The following DPP6 variants were observed in gnomAD, a reference collection of about 807,000 sequenced individuals.
DPP6 encodes A-type potassium channel modulatory protein DPP6.
A neutral mutation model predicts 122.6 loss-of-function variants in DPP6; 69 were observed. The ratio of observed to expected loss-of-function variants is 0.56; its 90% CI spans 0.46 to 0.69. The LOEUF is 0.69. Among genes scored for constraint, DPP6 ranks in the 30% least tolerant of loss-of-function variants. The pLI is 0.00. For synonymous variants in DPP6, 418 were observed against 433.1 expected (o/e 0.97, Z 0.43); for missense variants, 928 against 1,116.9 (o/e 0.83, Z 2.41).
chr7:154,667,612 A>G (rs901294656), intron 6 of DPP6, among the ~76,000 whole-genome samples: 1 of 152,108 alleles, frequency 6.6e-6, no homozygotes, highest in African/African-American at 2.4e-5. Flanking sequence ...AATCCCAGCT[A>G]CTTGGGAGGC....
intron 1 of DPP6, among the ~76,000 whole-genome samples, chr7:154,016,164 C>A (rs1798402035): frequency 6.6e-6 from 1 of 152,144 alleles, no homozygotes; most frequent in African/African-American, 2.4e-5. Context: ...GACCACTCTA[C>A]CTAAAATCTC....
chr7:154,617,024 C>T (rs532558892), intron 5 of DPP6, among the ~76,000 whole-genome samples: 4 of 152,344 alleles, frequency 2.6e-5, no homozygotes, highest in South Asian at 2.1e-4. Flanking sequence ...ATCACCCCAA[C>T]GCCAAGTATT....
chr7:154,704,544 T>C (rs1292896178), intron 7 of DPP6, among the ~76,000 whole-genome samples: 1 of 152,212 alleles, frequency 6.6e-6, no homozygotes, highest in Non-Finnish European at 1.5e-5. Flanking sequence ...AACTTCATTA[T>C]TGTCTTATTT....
chr7:154,023,272 G>C (rs1485246936), intron 1 of DPP6, among the ~76,000 whole-genome samples: 5 of 144,974 alleles, frequency 3.4e-5, no homozygotes, highest in African/African-American at 5.1e-5. Flanking sequence ...CCTAATGCAA[G>C]GTGAATAATA....
At chr7:154,674,667 AT>A (rs1210750688) in intron 7 of DPP6, among the ~76,000 whole-genome samples, 11 of 152,294 alleles carry the variant, frequency 7.2e-5, no homozygotes, top group African/African-American at 2.6e-4. Context: ...TGAATGGGAA[AT>A]TTAATGAGTC....
At chr7:154,614,133 C>G (rs2130819915) in intron 5 of DPP6, among the ~76,000 whole-genome samples, 1 of 152,326 alleles carries the variant, frequency 6.6e-6, no homozygotes, top group East Asian at 1.9e-4. Flanking sequence ...TTCTCCCTTC[C>G]CAATCCAGCA....
intron 1 of DPP6, among the ~76,000 whole-genome samples, chr7:154,158,806 C>T (rs143543447): frequency 0.014 from 2,091 of 152,134 alleles, 45 homozygotes; most frequent in African/African-American, 0.047. Context: ...CTGGAGCCCC[C>T]TCATTTTCCC....
intron 6 of DPP6, among the ~76,000 whole-genome samples, chr7:154,668,220 A>ATATATATATATATATAT (rs59348250): frequency 1.8e-3 from 44 of 24,976 alleles, no homozygotes; most frequent in Non-Finnish European, 2.7e-3. Context: ...TATATATATA[A>ATATATATATATATATAT]TATACACATT....
At chr7:154,669,337 TTG>T in intron 6 of DPP6, 21 bp from the exon 7 acceptor site, 1 of 1,552,012 alleles carries the variant, frequency 6.4e-7, no homozygotes, top group Non-Finnish European at 8.7e-7. Context: ...TGCTTTGTTT[TTG>T]TTTGTTTGTT....
chr7:153,748,966 A>T, the DPP6 span, among the ~76,000 whole-genome samples: 1 of 151,886 alleles, frequency 6.6e-6, no homozygotes, highest in Admixed American at 6.5e-5. Context: ...AAACCGCAGG[A>T]GTCTCCAATA....
chr7:154,115,139 C>T (rs1262117630), intron 1 of DPP6, among the ~76,000 whole-genome samples: 2 of 152,188 alleles, frequency 1.3e-5, no homozygotes, highest in African/African-American at 2.4e-5. Flanking sequence ...TCCTGGCTGC[C>T]CTTGGAACAG....
intron 1 of DPP6, among the ~76,000 whole-genome samples, chr7:154,369,454 C>T (rs566017986): frequency 3.3e-5 from 5 of 152,076 alleles, no homozygotes; most frequent in East Asian, 1.9e-4. Context: ...TGCAACCTTC[C>T]GCCTCCTGGG....
intron 5 of DPP6, among the ~76,000 whole-genome samples, chr7:154,614,894 A>G (rs957710995): frequency 3.9e-5 from 6 of 152,192 alleles, no homozygotes; most frequent in Non-Finnish European, 8.8e-5. Context: ...TCCCATTTCA[A>G]TGTGCAAACT....
At chr7:154,749,449 C>T (rs11769056) in intron 8 of DPP6, among the ~76,000 whole-genome samples, 1 of 94,508 alleles carries the variant, frequency 1.1e-5, no homozygotes, top group African/African-American at 4.5e-5. Flanking sequence ...AGAGGGATGG[C>T]GGCTTTACTG....
intron 8 of DPP6, among the ~76,000 whole-genome samples, chr7:154,767,354 A>G (rs1178632689): frequency 6.6e-6 from 1 of 152,168 alleles, no homozygotes; most frequent in African/African-American, 2.4e-5. Flanking sequence ...ATTGCATTGC[A>G]AATGGTGCCT....
At chr7:154,137,807 C>G (rs1474241079) in intron 1 of DPP6, among the ~76,000 whole-genome samples, 1 of 152,162 alleles carries the variant, frequency 6.6e-6, no homozygotes, top group Non-Finnish European at 1.5e-5. Context: ...GGCACCAAAC[C>G]AACATGCATC....
At chr7:153,899,739 TTGTC>T (rs1361197682) in intron 1 of DPP6, among the ~76,000 whole-genome samples, 1 of 152,178 alleles carries the variant, frequency 6.6e-6, no homozygotes, top group Non-Finnish European at 1.5e-5. Context: ...AGCACTGAAA[TTGTC>T]AGCGCCCACT....
intron 4 of DPP6, among the ~76,000 whole-genome samples, chr7:154,553,880 T>A (rs1056182104): frequency 1.4e-5 from 2 of 142,914 alleles, no homozygotes; most frequent in Admixed American, 7.1e-5. Context: ...ATGCAAAACA[T>A]TGAGTCAGTT....
intron 2 of DPP6, among the ~76,000 whole-genome samples, chr7:154,452,066 T>C (rs932122077): frequency 9.2e-5 from 14 of 152,316 alleles, no homozygotes; most frequent in Non-Finnish European, 1.9e-4. Flanking sequence ...AATTCACTAA[T>C]GTACAGAGCA....
Sources: gnomAD v4.1 joint callset for allele counts (sites outside exome capture counted in the v4.1 genomes callset) on GRCh38, gnomAD v4.1.1 for gene constraint, MANE v1.5 for transcripts, NCBI Gene and HGNC (gene_info 2026-07-23, HGNC 2026-07-21) for gene names.